The following KCNK10 variants were observed in gnomAD, a reference collection of about 807,000 sequenced individuals.
KCNK10 encodes potassium channel subfamily K member 10.
A neutral mutation model predicts 47.7 loss-of-function variants in KCNK10; 25 were observed. The ratio of observed to expected loss-of-function variants is 0.52; its 90% CI spans 0.38 to 0.73. The LOEUF is 0.73. Ranked by LOEUF, KCNK10 falls within the 30% of genes least tolerant of loss-of-function variation. The pLI is 0.00. For synonymous variants in KCNK10, 303 were observed against 285.6 expected (o/e 1.06, Z -0.61); for missense variants, 563 against 714.5 (o/e 0.79, Z 2.42).
Position 88,194,042 on chromosome 14 carries a change from G to C in KCNK10, c.682-1632C>G, listed in dbSNP as rs971636899. 9.2e-5 allele frequency among the ~76,000 whole-genome samples: 14 copies of C among 152,042 alleles called. No homozygotes were observed. In the East Asian group the frequency reaches 1.5e-3, roughly 17 times the overall value. On this transcript the variant is annotated intron_variant, in intron 4 of 6. Coordinates refer to ENST00000319231, the MANE Select transcript of KCNK10 (RefSeq NM_138317.3). The stretch of plus-strand genomic sequence containing the variant: ...AGGTACTTTTCTAACTCCTAAGAAG[G>C]CATCTGGTATATAAAATGGGAACAG...
At chr14:88,266,119 A>G (rs1175393064) in intron 1 of KCNK10, among the ~76,000 whole-genome samples, 1 of 152,084 alleles carries the variant, frequency 6.6e-6, no homozygotes, top group African/African-American at 2.4e-5. Context: ...TCACCTCTGC[A>G]CCCCTAGTGT....
intron 2 of KCNK10, among the ~76,000 whole-genome samples, chr14:88,257,245 C>T (rs1886981524): frequency 6.6e-6 from 1 of 152,112 alleles, no homozygotes; most frequent in Non-Finnish European, 1.5e-5. Flanking sequence ...TTTCAGCAGC[C>T]AATTTCCATC....
At chr14:88,222,822 T>C (rs1337689678) in intron 4 of KCNK10, among the ~76,000 whole-genome samples, 1 of 152,194 alleles carries the variant, frequency 6.6e-6, no homozygotes, top group Non-Finnish European at 1.5e-5. Context: ...GTGACAAGTC[T>C]GAGGATGAAG....
At chr14:88,287,676 T>G (rs112939341) in intron 1 of KCNK10, among the ~76,000 whole-genome samples, 209 of 2,146 alleles carry the variant, frequency 0.097, 5 homozygotes, top group Non-Finnish European at 0.35. Flanking sequence ...TATTCCATGG[T>G]GTGTGTGTGT....
intron 1 of KCNK10, among the ~76,000 whole-genome samples, chr14:88,277,361 T>C (rs1453474316): frequency 1.3e-5 from 2 of 152,336 alleles, no homozygotes; most frequent in Non-Finnish European, 1.5e-5. Flanking sequence ...CTGAGTAATT[T>C]CCTCTGAAGT....
intron 4 of KCNK10, among the ~76,000 whole-genome samples, chr14:88,194,768 T>C (rs1940556): frequency 0.08 from 12,176 of 152,118 alleles, 873 homozygotes; most frequent in East Asian, 0.22. Flanking sequence ...CCACTACTCA[T>C]TGCCCCGGCT....
chr14:88,281,809 A>G (rs981317267), intron 1 of KCNK10, among the ~76,000 whole-genome samples: 2 of 127,654 alleles, frequency 1.6e-5, no homozygotes, highest in Admixed American at 8.6e-5. Context: ...TCATATAGAT[A>G]TATATATACA....
At chr14:88,224,784 A>AT (rs1188305055) in intron 4 of KCNK10, among the ~76,000 whole-genome samples, 1 of 152,078 alleles carries the variant, frequency 6.6e-6, no homozygotes, top group Non-Finnish European at 1.5e-5. Context: ...AAATTTTTGT[A>AT]TTTTTAGTAC....
At chr14:88,245,890 T>C (rs1421712936) in intron 2 of KCNK10, among the ~76,000 whole-genome samples, 1 of 152,186 alleles carries the variant, frequency 6.6e-6, no homozygotes, top group Non-Finnish European at 1.5e-5. Flanking sequence ...TGTATGGTCA[T>C]TTTACTAACA....
chr14:88,187,859 T>G, intron 6 of KCNK10, 108 bp downstream of exon 6: 138 of 756,192 alleles, frequency 1.8e-4, no homozygotes, highest in Middle Eastern at 3.9e-4. Context: ...CCGCTCCCCC[T>G]GCAAAACCGA....
In KCNK10 at chr14:88,216,409, A is replaced by G. The variant is rs1885622448; in HGVS notation, c.681+10966T>C. On this transcript the variant is annotated intron_variant, in intron 4 of 6. Transcript: ENST00000319231. ...TGAGGACACATTTAGTAATGTCTGG[A>G]GACATTTTGGCTGTCATAACTGCGG... 2.0e-5 allele frequency among the ~76,000 whole-genome samples: 3 copies of G among 152,200 alleles called. No individual in the cohort carries two copies. In the South Asian group the frequency reaches 6.2e-4, roughly 32 times the overall value.
intron 4 of KCNK10, among the ~76,000 whole-genome samples, chr14:88,223,724 T>C (rs1885894624): frequency 6.6e-6 from 1 of 152,242 alleles, no homozygotes; most frequent in Admixed American, 6.5e-5. Context: ...GTTTGTTTGT[T>C]GGCAAGCACT....
At chr14:88,272,484 G>A (rs533228002) in intron 1 of KCNK10, among the ~76,000 whole-genome samples, 48 of 152,228 alleles carry the variant, frequency 3.2e-4, no homozygotes, top group Non-Finnish European at 3.7e-4. Flanking sequence ...ACAGCAATGG[G>A]GGGGCAACAG....
intron 3 of KCNK10, among the ~76,000 whole-genome samples, chr14:88,235,915 A>T (rs1452582860): frequency 6.6e-6 from 1 of 152,252 alleles, no homozygotes; most frequent in South Asian, 2.1e-4. Flanking sequence ...GAACAAAAAG[A>T]TAAAGTCACC....
At chr14:88,195,465 C>T (rs538883120) in intron 4 of KCNK10, among the ~76,000 whole-genome samples, 2 of 152,322 alleles carry the variant, frequency 1.3e-5, no homozygotes, top group South Asian at 4.1e-4. Context: ...TTTAATGCTT[C>T]TCTTTGCCAT....
At chr14:88,271,036 C>A in intron 1 of KCNK10, 1 of 513,234 alleles carries the variant, frequency 1.9e-6, no homozygotes, top group South Asian at 3.1e-5. Context: ...TCACACCTGT[C>A]CCAGAGAAAC....
chr14:88,271,558 T>C (rs1365567919), intron 1 of KCNK10, among the ~76,000 whole-genome samples: 1 of 152,212 alleles, frequency 6.6e-6, no homozygotes, highest in Non-Finnish European at 1.5e-5. Context: ...CGGGCCTTTC[T>C]TGTTCCTTCA....
At chr14:88,233,930 C>T (rs570010469) in intron 3 of KCNK10, among the ~76,000 whole-genome samples, 2 of 152,242 alleles carry the variant, frequency 1.3e-5, no homozygotes, top group Admixed American at 6.5e-5. Context: ...AATCCAATAC[C>T]GGGTATCAGA....
chr14:88,216,796 T>C (rs1885634529), intron 4 of KCNK10, among the ~76,000 whole-genome samples: 1 of 152,192 alleles, frequency 6.6e-6, no homozygotes, highest in Non-Finnish European at 1.5e-5. Context: ...ACTTCCTACC[T>C]TCTTGCCGCC....
Sources: allele counts gnomAD v4.1 joint callset (sites outside exome capture counted in the v4.1 genomes callset), GRCh38; gene constraint gnomAD v4.1.1; transcripts MANE v1.5; gene names NCBI Gene and HGNC (gene_info 2026-07-23, HGNC 2026-07-21).